Variants in PRIM2 observed in about 807,000 individuals in gnomAD.
PRIM2 encodes DNA primase large subunit.
A neutral mutation model predicts 67.3 loss-of-function variants in PRIM2; 39 were observed. The observed-to-expected ratio is 0.58, with a 90% confidence interval of 0.45 to 0.76. PRIM2 has a LOEUF of 0.76. PRIM2 is among the 30% of genes least tolerant of loss of function. The pLI is 0.00. For missense variants in PRIM2, 398 were observed against 598.7 expected (o/e 0.66, Z 3.50); for synonymous variants, 143 against 198.7 (o/e 0.72, Z 2.36).
chr6:57,307,060 G>A, the PRIM2 span, among the ~76,000 whole-genome samples: 4 of 151,606 alleles, frequency 2.6e-5, no homozygotes, highest in South Asian at 2.1e-4. Context: ...TTAGCTTGGC[G>A]TGGTGGCATG....
chr6:57,446,825 G>T (rs1772383858), intron 7 of PRIM2, among the ~76,000 whole-genome samples: 2 of 152,146 alleles, frequency 1.3e-5, no homozygotes, highest in African/African-American at 4.8e-5. Context: ...GTACCTTCCA[G>T]TCCACCATCT....
At chr6:57,561,014 A>G (rs1449539454) in intron 10 of PRIM2, among the ~76,000 whole-genome samples, 4 of 152,182 alleles carry the variant, frequency 2.6e-5, no homozygotes, top group Admixed American at 2.0e-4. Flanking sequence ...TCTAGCTATG[A>G]AAGTCCTAGA....
the PRIM2 span, among the ~76,000 whole-genome samples, chr6:57,264,877 G>T: frequency 6.6e-6 from 1 of 152,202 alleles, no homozygotes; most frequent in South Asian, 2.1e-4. Context: ...TTTATTGGCT[G>T]GGATTAAAGG....
At chr6:57,357,611 T>C (rs1425544845) in intron 5 of PRIM2, among the ~76,000 whole-genome samples, 1 of 151,778 alleles carries the variant, frequency 6.6e-6, no homozygotes, top group Non-Finnish European at 1.5e-5. Flanking sequence ...TTTTTTTTTT[T>C]TGAGACAGTT....
intron 7 of PRIM2, among the ~76,000 whole-genome samples, chr6:57,435,543 G>A (rs1229461563): frequency 2.4e-4 from 37 of 152,194 alleles, no homozygotes; most frequent in Admixed American, 2.4e-3. Flanking sequence ...CATCATAAAA[G>A]TATGGACTTC....
At chr6:57,246,291 G>A in the PRIM2 span, among the ~76,000 whole-genome samples, 1 of 152,130 alleles carries the variant, frequency 6.6e-6, no homozygotes, top group Non-Finnish European at 1.5e-5. Context: ...ACTTACATTT[G>A]AAGTGAAAAA....
At chr6:57,639,797 C>T (rs1375180637) in intron 13 of PRIM2, among the ~76,000 whole-genome samples, 1 of 151,150 alleles carries the variant, frequency 6.6e-6, no homozygotes, top group South Asian at 2.1e-4. Context: ...ACAAATTCCA[C>T]CAGAGGTACA....
upstream of PRIM2, among the ~76,000 whole-genome samples, chr6:57,311,168 G>A (rs1391685431): frequency 8.3e-5 from 12 of 144,948 alleles, no homozygotes; most frequent in African/African-American, 1.3e-4. Flanking sequence ...CCTCCCGGAC[G>A]GGGCGGCCGG....
chr6:57,272,135 C>G, the PRIM2 span, among the ~76,000 whole-genome samples: 1 of 152,254 alleles, frequency 6.6e-6, no homozygotes, highest in South Asian at 2.1e-4. Context: ...CTGTAGATGT[C>G]TATTAGGTCA....
chr6:57,298,760 A>G, the PRIM2 span, among the ~76,000 whole-genome samples: 1 of 152,202 alleles, frequency 6.6e-6, no homozygotes, highest in African/African-American at 2.4e-5. Flanking sequence ...CTGCTACATA[A>G]TTTAAAATAA....
At chr6:57,293,705 A>G in the PRIM2 span, among the ~76,000 whole-genome samples, 1 of 152,226 alleles carries the variant, frequency 6.6e-6, no homozygotes, top group Non-Finnish European at 1.5e-5. Flanking sequence ...GTGAAGCTGG[A>G]AACCATCATT....
chr6:57,392,268 G>C (rs554184017), intron 7 of PRIM2, among the ~76,000 whole-genome samples: 8 of 152,184 alleles, frequency 5.3e-5, no homozygotes, highest in Admixed American at 2.0e-4. Context: ...AGGAGCTTTT[G>C]GACTGAGACT....
the PRIM2 span, among the ~76,000 whole-genome samples, chr6:57,243,721 C>T: frequency 1.6e-4 from 25 of 152,130 alleles, no homozygotes; most frequent in Non-Finnish European, 2.9e-4. Flanking sequence ...GTGATCATCC[C>T]GCCTCGGCCT....
intron 7 of PRIM2, among the ~76,000 whole-genome samples, chr6:57,461,304 A>G (rs1292974904): frequency 6.6e-6 from 1 of 152,110 alleles, no homozygotes; most frequent in Non-Finnish European, 1.5e-5. Flanking sequence ...GCTGCTTCCT[A>G]CATCTGCTCT....
At chr6:57,586,752 A>G (rs1776195285) in intron 10 of PRIM2, among the ~76,000 whole-genome samples, 2 of 152,202 alleles carry the variant, frequency 1.3e-5, no homozygotes, top group African/African-American at 4.8e-5. Context: ...AGTCCAGCCC[A>G]GGCTTGCCAA....
chr6:57,585,456 G>C (rs1776172078), intron 10 of PRIM2, among the ~76,000 whole-genome samples: 1 of 152,208 alleles, frequency 6.6e-6, no homozygotes, highest in East Asian at 1.9e-4. Flanking sequence ...GGGATTTATA[G>C]CCAAAGAGCA....
chr6:57,240,547 A>G, the PRIM2 span, among the ~76,000 whole-genome samples: 1 of 152,172 alleles, frequency 6.6e-6, no homozygotes, highest in Admixed American at 6.5e-5. Flanking sequence ...AGGAATACTC[A>G]GGACCCAGGA....
At chr6:57,595,066 T>C (rs1429991712) in intron 10 of PRIM2, among the ~76,000 whole-genome samples, 3 of 152,206 alleles carry the variant, frequency 2.0e-5, no homozygotes, top group African/African-American at 4.8e-5. Context: ...TGAGATACCA[T>C]TGGCTACCCA....
chr6:57,273,228 A>G, the PRIM2 span, among the ~76,000 whole-genome samples: 1 of 152,348 alleles, frequency 6.6e-6, no homozygotes, highest in South Asian at 2.1e-4. Flanking sequence ...ATATTTTCCA[A>G]CTTGGTTCCA....
Sources: gnomAD v4.1 joint callset for allele counts (sites outside exome capture counted in the v4.1 genomes callset) on GRCh38, gnomAD v4.1.1 for gene constraint, MANE v1.5 for transcripts, NCBI Gene and HGNC (gene_info 2026-07-23, HGNC 2026-07-21) for gene names.